The following SPARCL1 variants were observed in gnomAD, a reference collection of about 807,000 sequenced individuals.
The protein encoded by SPARCL1 is SPARC-like protein 1.
Under a neutral mutation model 67.1 loss-of-function variants are expected in SPARCL1, and 52 were observed. The observed-to-expected ratio is 0.78, with a 90% CI of 0.62 to 0.98. The LOEUF is 0.98. Among genes scored for constraint, SPARCL1 ranks in the 50% least tolerant of loss-of-function variants. The pLI, the probability that SPARCL1 is intolerant of heterozygous loss-of-function variation, is 0.00. For synonymous variants in SPARCL1, 226 were observed against 267.8 expected (o/e 0.84, Z 1.52); for missense variants, 717 against 782.4 (o/e 0.92, Z 1.00).
chr4:87,511,370 G>A (rs532311376), intron 1 of SPARCL1, among the ~76,000 whole-genome samples: 1 of 152,304 alleles, frequency 6.6e-6, no homozygotes, highest in African/African-American at 2.4e-5. Flanking sequence ...ATAGGAGGAA[G>A]GTTTGGTTTT....
intron 10 of SPARCL1, among the ~76,000 whole-genome samples, chr4:87,474,831 C>T (rs1161267296): frequency 2.0e-5 from 3 of 151,102 alleles, no homozygotes; most frequent in African/African-American, 4.9e-5. Flanking sequence ...CAAGCTCCGC[C>T]TCCCGGGTTC....
At chr4:87,496,026 G>A (rs1205192455) in intron 2 of SPARCL1, among the ~76,000 whole-genome samples, 1 of 151,678 alleles carries the variant, frequency 6.6e-6, no homozygotes, top group Non-Finnish European at 1.5e-5. Flanking sequence ...ATTTCTATTA[G>A]AGGGATGGTC....
At chr4:87,485,493 T>A (rs558459043) in intron 7 of SPARCL1, among the ~76,000 whole-genome samples, 1 of 151,950 alleles carries the variant, frequency 6.6e-6, no homozygotes, top group African/African-American at 2.4e-5. Context: ...GATTTTCGCA[T>A]CCATGTTCAT....
In SPARCL1 at chr4:87,495,109, A is replaced by G. The variant is rs762272564; in HGVS notation, c.73T>C (p.Ser25Pro). 4 of 1,604,084 alleles carry G rather than the reference A, an allele frequency of 2.5e-6. No homozygotes were observed. The Admixed American group carries it at 7.1e-5, about 28-fold the overall frequency. The change falls in exon 3 of 11, where the codon TCT (serine) becomes CCT (proline). Residue 25 changes from serine to proline, a missense_variant. Coordinates refer to ENST00000282470, the MANE Select transcript of SPARCL1 (RefSeq NM_004684.6). ...AAIPTNARLLSDHSKPTAETV... is the reference protein window; with the variant it reads ...AAIPTNARLLPDHSKPTAETV... ...TCAGCAGTTGGTTTGGAATGATCAG[A>G]TAATAATCTTGCATTTGTCTGAAAA...
At chr4:87,499,891 T>C (rs991400416) in intron 1 of SPARCL1, among the ~76,000 whole-genome samples, 3 of 130,806 alleles carry the variant, frequency 2.3e-5, no homozygotes, top group African/African-American at 3.3e-5. Flanking sequence ...TGAGTATTCA[T>C]AATGAAAAAA....
At chr4:87,504,783 A>G (rs1241625501) in intron 1 of SPARCL1, 1 of 152,256 alleles carries the variant, frequency 6.6e-6, no homozygotes. Context: ...TTTTTAAACA[A>G]AAAGTTCCAA....
intron 7 of SPARCL1, 81 bp downstream of exon 7, chr4:87,490,192 G>T: frequency 7.2e-7 from 1 of 1,394,746 alleles, no homozygotes; most frequent in Non-Finnish European, 9.5e-7. Flanking sequence ...TTCCCTGTTT[G>T]CATATAGATA....
In SPARCL1 at chr4:87,473,807, T is replaced by TA. The variant is rs761369219; in HGVS notation, c.1967-5dup. On this transcript the variant is annotated splice_polypyrimidine_tract_variant and splice_region_variant and intron_variant, in intron 10 of 10. Coordinates refer to ENST00000282470, the MANE Select transcript of SPARCL1 (RefSeq NM_004684.6). ...AAGAGATTTTCATCTATGTCCTCTA[T>TA]AAAAAAACAAGAAGCAAAATGACAC... 5.0e-6 allele frequency: 8 copies of TA among 1,603,206 alleles called. No individual in the cohort carries two copies. The highest frequency in any genetic ancestry group is 2.2e-5 in the East Asian group (1 of 44,756).
At chr4:87,508,889 G>GTATATATATATATATATATATATA (rs142792848) in intron 1 of SPARCL1, among the ~76,000 whole-genome samples, 12 of 138,350 alleles carry the variant, frequency 8.7e-5, no homozygotes, top group African/African-American at 2.4e-4. Flanking sequence ...ATGTATATAA[G>GTATATATATATATATATATATATA]TATATATATA....
At chr4:87,527,525 C>T (rs1054104497) in intron 1 of SPARCL1, among the ~76,000 whole-genome samples, 1 of 152,128 alleles carries the variant, frequency 6.6e-6, no homozygotes, top group Admixed American at 6.6e-5. Flanking sequence ...ATAATGTTTT[C>T]AAGTTGTCCA....
At chr4:87,474,452 T>C (rs958113969) in intron 10 of SPARCL1, among the ~76,000 whole-genome samples, 2 of 152,178 alleles carry the variant, frequency 1.3e-5, no homozygotes, top group African/African-American at 2.4e-5. Context: ...AATAGCTTCA[T>C]TAGTTATACG....
chr4:87,521,619 C>T (rs372091389), intron 1 of SPARCL1, among the ~76,000 whole-genome samples: 42 of 152,182 alleles, frequency 2.8e-4, no homozygotes, highest in African/African-American at 9.9e-4. Flanking sequence ...CCTTCTGGGC[C>T]TAGGGAACTT....
chr4:87,514,301 T>C (rs1449941283), intron 1 of SPARCL1, among the ~76,000 whole-genome samples: 2 of 152,244 alleles, frequency 1.3e-5, no homozygotes, highest in Non-Finnish European at 2.9e-5. Context: ...AATCCTGGCG[T>C]AGCTGTATGG....
intron 1 of SPARCL1, among the ~76,000 whole-genome samples, chr4:87,508,920 G>T (rs1169424673): frequency 7.6e-6 from 1 of 132,152 alleles, no homozygotes; most frequent in South Asian, 2.7e-4. Context: ...ATACATATGT[G>T]TATATACTAT....
At chr4:87,476,483 A>G (rs1206473796) in intron 10 of SPARCL1, among the ~76,000 whole-genome samples, 1 of 152,168 alleles carries the variant, frequency 6.6e-6, no homozygotes, top group Non-Finnish European at 1.5e-5. Context: ...AGGAGAATCC[A>G]TCTTAAATAC....
At chr4:87,526,842 A>T (rs907477113) in intron 1 of SPARCL1, among the ~76,000 whole-genome samples, 1 of 152,220 alleles carries the variant, frequency 6.6e-6, no homozygotes, top group Non-Finnish European at 1.5e-5. Context: ...TGATTGCTTT[A>T]ATGTACCAAA....
chr4:87,515,595 T>C (rs2110258460), intron 1 of SPARCL1, among the ~76,000 whole-genome samples: 1 of 152,302 alleles, frequency 6.6e-6, no homozygotes, highest in South Asian at 2.1e-4. Flanking sequence ...GAGAGCCCTT[T>C]CCTTCTGTTA....
intron 9 of SPARCL1, 118 bp from the exon 10 acceptor site, chr4:87,479,696 A>G: frequency 1.1e-6 from 1 of 897,876 alleles, no homozygotes; most frequent in South Asian, 1.8e-5. Flanking sequence ...ATATAAATAG[A>G]ATACAGATAA....
chr4:87,483,256 G>A (rs1215419035), intron 7 of SPARCL1, among the ~76,000 whole-genome samples: 1 of 152,014 alleles, frequency 6.6e-6, no homozygotes, highest in Non-Finnish European at 1.5e-5. Context: ...CCCCTGACAG[G>A]CCCTGGTATA....
Sources: allele counts gnomAD v4.1 joint callset (sites outside exome capture counted in the v4.1 genomes callset), GRCh38; gene constraint gnomAD v4.1.1; transcripts MANE v1.5; gene names NCBI Gene and HGNC (gene_info 2026-07-23, HGNC 2026-07-21).